The following ZNF468 variants were observed in gnomAD, a reference collection of about 807,000 sequenced individuals.
The protein encoded by ZNF468 is zinc finger protein 468.
In ZNF468, 8 loss-of-function variants were observed where a neutral mutation model predicts 7.2. The observed-to-expected ratio is 1.11, with a 90% CI of 0.65 to 2.01. The LOEUF (loss-of-function observed/expected upper bound fraction) is 2.01. Ranked by LOEUF, ZNF468 falls within the 30% of genes most tolerant of loss-of-function variation. The probability of loss-of-function intolerance (pLI) is 0.00; values close to 1 mark genes in which losing one functional copy is unlikely to be tolerated. For missense variants in ZNF468, 608 were observed against 626.5 expected, an observed-to-expected ratio of 0.97 and a Z score of 0.31; for synonymous variants, 218 against 214.4, an observed-to-expected ratio of 1.02 and a Z score of -0.15.
At chr19:52,856,383 C>A (rs1364818439) in intron 1 of ZNF468, among the ~76,000 whole-genome samples, 1 of 151,932 alleles carries the variant, frequency 6.6e-6, no homozygotes, top group Non-Finnish European at 1.5e-5. Context: ...TAGCTGGGCT[C>A]CATCCTTGCA....
chr19:52,838,427 T>C lies in ZNF468; in HGVS notation c.*2298A>G, dbSNP rs2063266046. 1 of 152,208 alleles carries C rather than the reference T, an allele frequency of 6.6e-6. No individual in the cohort carries two copies. The highest frequency in any genetic ancestry group is 6.5e-5 in the Admixed American group (1 of 15,282). The allele number at this position is 152,208 out of a possible 1,614,324, so 9.4% of individuals were successfully genotyped here. On this transcript the variant is annotated 3_prime_UTR_variant, in exon 4 of 4. Coordinates refer to ENST00000595646, the MANE Select transcript of ZNF468 (RefSeq NM_001008801.2). ...CAGGGAAAACGGAATGCTTTTCCTG[T>C]AGGATCTCACATGATGCAAGAATGC... is the stretch of plus-strand genomic sequence containing the variant.
At chr19:52,850,918 A>T (rs1175840663) in intron 2 of ZNF468, among the ~76,000 whole-genome samples, 1 of 148,870 alleles carries the variant, frequency 6.7e-6, no homozygotes, top group African/African-American at 2.5e-5. Flanking sequence ...AATAATAATA[A>T]ATATATATAT....
chr19:52,844,901 T>C lies in ZNF468; in HGVS notation c.143-2750A>G, dbSNP rs73069428. Among the ~76,000 whole-genome samples, 13,145 of 152,072 alleles carry C rather than the reference T, an allele frequency of 0.086. 580 individuals are homozygous for C. The highest frequency in any genetic ancestry group is 0.098 in the South Asian group (474 of 4,814). The stretch of plus-strand genomic sequence containing the variant: ...AGACAGGAACAGGAGCATCTCATCA[T>C]CAACATCACCAAGGGCTGACAAATC... On this transcript the variant is annotated intron_variant, in intron 3 of 3. Coordinates refer to ENST00000595646, the MANE Select transcript of ZNF468 (RefSeq NM_001008801.2).
intron 1 of ZNF468, among the ~76,000 whole-genome samples, chr19:52,857,227 G>T (rs2063448270): frequency 1.3e-5 from 2 of 152,048 alleles, no homozygotes; most frequent in Non-Finnish European, 2.9e-5. Context: ...AGGAACCCAG[G>T]AGAGTAAGGC....
At chr19:52,844,460 A>G (rs1235317067) in intron 3 of ZNF468, among the ~76,000 whole-genome samples, 2 of 152,068 alleles carry the variant, frequency 1.3e-5, no homozygotes, top group East Asian at 3.9e-4. Flanking sequence ...TTTAAGCTAC[A>G]TCCTTTTTTG....
chr19:52,841,772 A>C lies in ZNF468; in HGVS notation c.522T>G (p.Val174=). The C allele has an allele frequency of 6.2e-7, 1 of 1,614,088 alleles. No homozygotes were observed. Among genetic ancestry groups the C allele is most frequent in the South Asian group, 1.1e-5 (1 of 91,072 alleles). ...TACAACAAATTCTTTGGGATGTTGA[A>C]ACTGAGGAAGCATTGTTGATAGACT... is the stretch of plus-strand genomic sequence containing the variant. ...VEKSINNASS[V]STSQRICCRP... Residue 174 remains valine, a synonymous_variant, in exon 4 of 4, where the codon GTT becomes GTG. Coordinates refer to ENST00000595646, the MANE Select transcript of ZNF468 (RefSeq NM_001008801.2).
rs899742643 is a variant in ZNF468, at chr19:52,840,363, G to C, written c.*362C>G. Reference sequence around the variant, plus strand: ...TTACAAGGTGTGAATTTTGACCAACGGTCTTGCCACACTCATTACACTTAT... The same window carrying C: ...TTACAAGGTGTGAATTTTGACCAACCGTCTTGCCACACTCATTACACTTAT... On this transcript the variant is annotated 3_prime_UTR_variant, in exon 4 of 4. Transcript: ENST00000595646. 2.1e-6 allele frequency: 1 copy of C among 476,584 alleles called. No individual in the cohort carries two copies. Among genetic ancestry groups the C allele is most frequent in the South Asian group, 2.0e-5 (1 of 49,476 alleles). 29.5% of individuals were successfully genotyped at this position (476,584 alleles called of 1,614,324 possible). A position where few individuals can be genotyped will look rare whatever the true frequency, so the allele number is the denominator to read the frequency against.
rs951917056 is a variant in ZNF468 at position 52,854,255 on chromosome 19, C to T, written c.15+3G>A. The T allele has an allele frequency of 4.3e-6, 7 of 1,613,770 alleles. No individual in the cohort carries two copies. Among genetic ancestry groups the T allele is most frequent in the Admixed American group, 1.7e-5 (1 of 59,990 alleles). ...GAACAATCCACCGAGGATATCATCT[C>T]ACCTGAGGAAGAGCCATCCCTGACT... On this transcript the variant is annotated splice_donor_region_variant and intron_variant, in intron 2 of 3. Coordinates refer to ENST00000595646, the MANE Select transcript of ZNF468 (RefSeq NM_001008801.2).
Position 52,840,092 on chromosome 19 carries a change from C to A in ZNF468, c.*633G>T. ...TGGGGTGCCACGTGTGAATCATTCC[C>A]GAAAGCCTTGTCACAAACCTTACAT... On this transcript the variant is annotated 3_prime_UTR_variant, in exon 4 of 4. Transcript: ENST00000595646. 1.2e-6 allele frequency: 1 copy of A among 822,020 alleles called. No homozygotes were observed. The highest frequency in any genetic ancestry group is 1.8e-6 in the Non-Finnish European group (1 of 565,114). The allele number at this position is 822,020 out of a possible 1,614,324, so 50.9% of individuals were successfully genotyped here.
At position 52,854,311 on chromosome 19, in the gene ZNF468, C is replaced by A; in HGVS notation, c.-39G>T. 6.2e-7 allele frequency: 1 copy of A among 1,613,474 alleles called. No individual in the cohort carries two copies. Among genetic ancestry groups the A allele is most frequent in the Non-Finnish European group, 8.5e-7 (1 of 1,179,624 alleles). On this transcript the variant is annotated 5_prime_UTR_variant, in exon 2 of 4. Coordinates refer to ENST00000595646, the MANE Select transcript of ZNF468 (RefSeq NM_001008801.2). ...GCTTTCCTCTTCCTCTTCTGGGTTT[C>A]TTTCTCACGTACCAACAGTCTTTAG...
chr19:52,850,566 C>T (rs1314089526), intron 2 of ZNF468, among the ~76,000 whole-genome samples: 1 of 151,432 alleles, frequency 6.6e-6, no homozygotes, highest in Non-Finnish European at 1.5e-5. Context: ...CTGCAGTCTA[C>T]TTGAGGGTGG....
chr19:52,843,794 A>T (rs752574486), intron 3 of ZNF468, among the ~76,000 whole-genome samples: 6 of 152,146 alleles, frequency 3.9e-5, no homozygotes, highest in African/African-American at 7.2e-5. Context: ...CTGATATATG[A>T]GGTCAAGAAA....
Position 52,840,040 on chromosome 19 carries a change from G to A in ZNF468, c.*685C>T, listed in dbSNP as rs2063281375. 1 of 1,286,602 alleles carries A rather than the reference G, an allele frequency of 7.8e-7. No individual in the cohort carries two copies. The highest frequency in any genetic ancestry group is 1.4e-5 in the South Asian group (1 of 72,588). 79.7% of individuals were successfully genotyped at this position (1,286,602 alleles called of 1,614,324 possible). A position where few individuals can be genotyped will look rare whatever the true frequency, so the allele number is the denominator to read the frequency against. ...TTTGCCACACTCATTGCACTTGTAA[G>A]GTTTCTCTCCAGTGTGAATTCTAGT... On this transcript the variant is annotated 3_prime_UTR_variant, in exon 4 of 4. Transcript: ENST00000595646.
chr19:52,848,920 C>G (rs1382687083), intron 3 of ZNF468, among the ~76,000 whole-genome samples, 167 bp downstream of exon 3: 2 of 152,014 alleles, frequency 1.3e-5, no homozygotes, highest in East Asian at 1.9e-4. Context: ...TGCAGAACAT[C>G]TAAACAAAGG....
At chr19:52,847,642 G>A (rs1352502315) in intron 3 of ZNF468, among the ~76,000 whole-genome samples, 2 of 152,150 alleles carry the variant, frequency 1.3e-5, no homozygotes, top group African/African-American at 4.8e-5. Context: ...GGCTGGAGGC[G>A]AGATATGCTG....
At chr19:52,851,783 A>G (rs2063391980) in intron 2 of ZNF468, among the ~76,000 whole-genome samples, 1 of 152,074 alleles carries the variant, frequency 6.6e-6, no homozygotes, top group South Asian at 2.1e-4. Flanking sequence ...CTCAAAGTAC[A>G]AAAATCTGTT....
chr19:52,857,312 A>T (rs1339663178), intron 1 of ZNF468, among the ~76,000 whole-genome samples: 8 of 152,126 alleles, frequency 5.3e-5, no homozygotes, highest in African/African-American at 1.9e-4. Flanking sequence ...GAGTCAAAAA[A>T]CGGTTTTGAG....
chr19:52,842,843 A>AAAAAAG (rs1568676245), intron 3 of ZNF468, among the ~76,000 whole-genome samples: 2 of 107,462 alleles, frequency 1.9e-5, no homozygotes, highest in South Asian at 3.4e-4. Context: ...AAAAAAAAAG[A>AAAAAAG]CATGGCATGG....
intron 3 of ZNF468, among the ~76,000 whole-genome samples, chr19:52,847,475 C>A (rs905821582): frequency 1.3e-5 from 2 of 149,560 alleles, no homozygotes; most frequent in African/African-American, 4.9e-5. Context: ...CTGTAAAGAG[C>A]CTGTGCTGAG....
Sources: allele counts gnomAD v4.1 joint callset (sites outside exome capture counted in the v4.1 genomes callset), GRCh38; gene constraint gnomAD v4.1.1; transcripts MANE v1.5; gene names NCBI Gene and HGNC (gene_info 2026-07-23, HGNC 2026-07-21).